PRKG1: variants seen among roughly 807,000 people sequenced by gnomAD.
The protein encoded by PRKG1 is cGMP-dependent protein kinase 1.
PRKG1 carries 35 observed loss-of-function variants against 88.1 expected under a neutral mutation model. The ratio of observed to expected loss-of-function variants is 0.40; its 90% CI spans 0.30 to 0.53. PRKG1 has a LOEUF of 0.53. PRKG1 is among the 20% of genes least tolerant of loss of function. The probability of loss-of-function intolerance (pLI) is 0.59; values close to 1 mark genes in which losing one functional copy is unlikely to be tolerated. For synonymous variants in PRKG1, 303 were observed against 292.5 expected (o/e 1.04, Z -0.37); for missense variants, 540 against 839.8 (o/e 0.64, Z 4.41).
chr10:51,468,409 G>A (rs1009643995), intron 3 of PRKG1, among the ~76,000 whole-genome samples: 4 of 151,810 alleles, frequency 2.6e-5, no homozygotes, highest in African/African-American at 7.2e-5. Flanking sequence ...TTAAATCAGG[G>A]CAATAAAGCA....
intron 3 of PRKG1, among the ~76,000 whole-genome samples, chr10:51,476,749 C>T (rs1840206758): frequency 6.6e-6 from 1 of 151,996 alleles, no homozygotes; most frequent in Non-Finnish European, 1.5e-5. Flanking sequence ...AATTCCCTTG[C>T]TATTCATTCG....
chr10:52,276,380 A>G (rs1419732055), intron 12 of PRKG1, among the ~76,000 whole-genome samples: 4 of 152,124 alleles, frequency 2.6e-5, no homozygotes, highest in African/African-American at 9.7e-5. Flanking sequence ...AGGTTCATAC[A>G]CTCACTGATT....
chr10:51,504,651 C>T (rs1841140920), intron 3 of PRKG1, among the ~76,000 whole-genome samples: 2 of 152,094 alleles, frequency 1.3e-5, no homozygotes, highest in South Asian at 4.2e-4. Flanking sequence ...TTTCATTGAG[C>T]AGTGGTTTGT....
intron 5 of PRKG1, among the ~76,000 whole-genome samples, chr10:52,005,462 G>A (rs776713447): frequency 5.3e-5 from 8 of 152,082 alleles, no homozygotes; most frequent in Non-Finnish European, 1.0e-4. Context: ...ACAGCAAAGT[G>A]TGTGACCCCA....
chr10:50,991,165 C>T lies in PRKG1; in HGVS notation c.-214C>T, dbSNP rs1351944409. The T allele has an allele frequency of 1.0e-5, 6 of 593,592 alleles. No individual in the cohort carries two copies. In the Admixed American group the frequency reaches 2.2e-4, roughly 22 times the overall value. 36.8% of individuals were successfully genotyped at this position (593,592 alleles called of 1,614,324 possible). A position where few individuals can be genotyped will look rare whatever the true frequency, so the allele number is the denominator to read the frequency against. ...CCATCGCTTTTAGACTTCTCATCCTCCCCTCGGTGCTTTTAGTCCATTCAG... is the reference window on the plus strand; with the variant it reads ...CCATCGCTTTTAGACTTCTCATCCTTCCCTCGGTGCTTTTAGTCCATTCAG... On this transcript the variant is annotated 5_prime_UTR_variant, in exon 1 of 18. Transcript: ENST00000401604. The surrounding 1 kb of genome is among the most constrained non-coding windows in gnomAD (Gnocchi z 4.5).
intron 7 of PRKG1, among the ~76,000 whole-genome samples, chr10:52,095,009 C>T (rs1847141062): frequency 6.6e-6 from 1 of 152,248 alleles, no homozygotes; most frequent in South Asian, 2.1e-4. Context: ...AAGACTGCTG[C>T]TTTTTGGCCA....
intron 3 of PRKG1, among the ~76,000 whole-genome samples, chr10:51,510,165 T>A (rs1316846822): frequency 6.6e-6 from 1 of 152,208 alleles, no homozygotes. Context: ...CTTTCCTCAT[T>A]CTATTTTTTT....
At chr10:52,216,930 C>G (rs1840126239) in intron 9 of PRKG1, among the ~76,000 whole-genome samples, 1 of 152,064 alleles carries the variant, frequency 6.6e-6, no homozygotes, top group Non-Finnish European at 1.5e-5. Context: ...GAGTTCAGCT[C>G]CTGCACCACC....
chr10:51,462,079 C>G (rs969381796), intron 2 of PRKG1, among the ~76,000 whole-genome samples: 2 of 152,150 alleles, frequency 1.3e-5, no homozygotes, highest in African/African-American at 4.8e-5. Context: ...ACTGTAGAAG[C>G]CATTATGAAA....
chr10:51,074,577 C>G lies in PRKG1; in HGVS notation c.-14C>G, dbSNP rs925741473. On this transcript the variant is annotated 5_prime_UTR_variant, in exon 1 of 18. Transcript: ENST00000373980. Reference sequence around the variant, plus strand: ...AGCAGCGGCAGGAAGGAGCCCCCGGCAGCCCGGAGGAGCATGGGCACCTTG... The same window carrying G: ...AGCAGCGGCAGGAAGGAGCCCCCGGGAGCCCGGAGGAGCATGGGCACCTTG... 1 of 1,598,832 alleles carries G rather than the reference C, an allele frequency of 6.3e-7. No individual in the cohort carries two copies. Among genetic ancestry groups the G allele is most frequent in the African/African-American group, 1.3e-5 (1 of 74,778 alleles).
intron 5 of PRKG1, among the ~76,000 whole-genome samples, chr10:51,930,530 G>A (rs113397492): frequency 1.2e-4 from 13 of 112,492 alleles, no homozygotes; most frequent in Admixed American, 5.3e-4. Flanking sequence ...ACAGAGTCTC[G>A]TTCAGGTTAC....
chr10:51,034,664 T>TTTTATATATATATA (rs1554831102), intron 1 of PRKG1, among the ~76,000 whole-genome samples: 1 of 9,946 alleles, frequency 1.0e-4, no homozygotes, highest in African/African-American at 4.5e-4. Flanking sequence ...ATATAATATG[T>TTTTATATATATATA]TATTTATATA....
chr10:51,948,805 T>C (rs1391281540), intron 5 of PRKG1, among the ~76,000 whole-genome samples: 1 of 152,156 alleles, frequency 6.6e-6, no homozygotes, highest in Non-Finnish European at 1.5e-5. Flanking sequence ...TTCATATATC[T>C]CTTGGCCATT....
At chr10:51,064,267 C>T (rs1356291140) in intron 1 of PRKG1, among the ~76,000 whole-genome samples, 1 of 151,960 alleles carries the variant, frequency 6.6e-6, no homozygotes. Context: ...ATGAGACTCC[C>T]AGTTTGTGAG....
At chr10:51,547,891 C>A (rs1166575531) in intron 3 of PRKG1, among the ~76,000 whole-genome samples, 1 of 152,060 alleles carries the variant, frequency 6.6e-6, no homozygotes, top group Non-Finnish European at 1.5e-5. Context: ...AAGCTGTCAC[C>A]TCAAAGTTGG....
intron 2 of PRKG1, among the ~76,000 whole-genome samples, chr10:51,466,704 T>C (rs900429428): frequency 5.3e-5 from 8 of 152,056 alleles, no homozygotes; most frequent in African/African-American, 1.4e-4. Context: ...GTGAATTTAA[T>C]GTCAATACTC....
At chr10:51,723,113 C>A (rs755390900) in intron 3 of PRKG1, among the ~76,000 whole-genome samples, 9 of 152,210 alleles carry the variant, frequency 5.9e-5, no homozygotes, top group Non-Finnish European at 1.2e-4. Flanking sequence ...CATAAGTGGT[C>A]ACCATACCAC....
At chr10:51,924,903 G>T (rs1457604740) in intron 5 of PRKG1, among the ~76,000 whole-genome samples, 1 of 147,110 alleles carries the variant, frequency 6.8e-6, no homozygotes, top group East Asian at 2.0e-4. Context: ...CTTTCCTAGA[G>T]TTTTCATTTC....
intron 1 of PRKG1, among the ~76,000 whole-genome samples, chr10:51,150,146 G>A (rs182248855): frequency 1.7e-3 from 261 of 152,194 alleles, no homozygotes; most frequent in Non-Finnish European, 1.3e-3. Flanking sequence ...TCAGGCTGCT[G>A]AATTATTTCA....
Sources: allele counts gnomAD v4.1 joint callset (sites outside exome capture counted in the v4.1 genomes callset), GRCh38; gene constraint gnomAD v4.1.1; non-coding constraint Gnocchi (gnomAD v3.1); transcripts MANE v1.5; gene names NCBI Gene and HGNC (gene_info 2026-07-23, HGNC 2026-07-21).